Variants in FER observed in about 807,000 individuals in gnomAD.
FER encodes the protein tyrosine-protein kinase Fer.
In FER, 63 loss-of-function variants were observed where a neutral mutation model predicts 111.0. The observed-to-expected ratio is 0.57, with a 90% CI of 0.46 to 0.70. The LOEUF is 0.70. Among genes scored for constraint, FER ranks in the 30% least tolerant of loss-of-function variants. The pLI, the probability that FER is intolerant of heterozygous loss-of-function variation, is 0.00. For synonymous variants in FER, 327 were observed against 313.9 expected, an observed-to-expected ratio of 1.04 and a Z score of -0.44; for missense variants, 914 against 954.0, an observed-to-expected ratio of 0.96 and a Z score of 0.55.
At chr5:108,817,854 C>G (rs919696412) in intron 3 of FER, among the ~76,000 whole-genome samples, 2 of 152,122 alleles carry the variant, frequency 1.3e-5, no homozygotes, top group Non-Finnish European at 2.9e-5. Context: ...AGTTTACTTT[C>G]TTTATATCAT....
chr5:109,047,297 A>G, intron 16 of FER, 99 bp downstream of exon 16: 1 of 671,554 alleles, frequency 1.5e-6, no homozygotes, highest in East Asian at 3.0e-5. Flanking sequence ...TAAAGTCTCC[A>G]AGGATTTTGT....
intron 17 of FER, among the ~76,000 whole-genome samples, chr5:109,160,491 G>A (rs187087898): frequency 6.0e-4 from 91 of 152,218 alleles, no homozygotes; most frequent in Admixed American, 2.3e-3. Context: ...GCATCCAGTC[G>A]TAACTTGCTG....
chr5:108,957,577 A>G (rs376843665), intron 12 of FER, among the ~76,000 whole-genome samples: 1 of 151,782 alleles, frequency 6.6e-6, no homozygotes, highest in East Asian at 1.9e-4. Flanking sequence ...GAACTGCCAT[A>G]TGATCTAGCA....
rs780397314 is a variant in FER at position 109,044,632 on chromosome 5, A to G, written c.1714-48A>G. The G allele has an allele frequency of 9.4e-6, 9 of 958,682 alleles. No individual in the cohort carries two copies. In the African/African-American group the frequency reaches 1.2e-4, roughly 12 times the overall value. 59.4% of individuals were successfully genotyped at this position (958,682 alleles called of 1,614,324 possible). ...ACCTTTCCTTGTATTTGGCAAAGAT[A>G]TACATGCTGTCATTTACCCCAGACA... On this transcript the variant is annotated intron_variant, in intron 14 of 19. Transcript: ENST00000281092.
chr5:108,804,078 A>G (rs936204139), intron 3 of FER, among the ~76,000 whole-genome samples: 1 of 151,680 alleles, frequency 6.6e-6, no homozygotes, highest in African/African-American at 2.4e-5. Context: ...TAGGTGTTTT[A>G]TTTTATTTTT....
At chr5:109,018,826 C>T (rs963807320) in intron 13 of FER, among the ~76,000 whole-genome samples, 4 of 151,558 alleles carry the variant, frequency 2.6e-5, no homozygotes, top group East Asian at 3.9e-4. Flanking sequence ...TCACCCACAT[C>T]GTTTTCTGGA....
At chr5:109,060,010 T>C (rs926559039) in intron 16 of FER, among the ~76,000 whole-genome samples, 14 of 152,138 alleles carry the variant, frequency 9.2e-5, no homozygotes, top group African/African-American at 3.1e-4. Context: ...AAAAATGAGC[T>C]ACTAATATAT....
intron 16 of FER, among the ~76,000 whole-genome samples, chr5:109,074,873 A>G (rs1183253907): frequency 6.6e-6 from 1 of 152,278 alleles, no homozygotes; most frequent in African/African-American, 2.4e-5. Flanking sequence ...AAGTATTCAT[A>G]ATACTAACAT....
intron 17 of FER, among the ~76,000 whole-genome samples, chr5:109,120,339 A>T (rs1027281207): frequency 3.9e-5 from 6 of 152,132 alleles, no homozygotes; most frequent in African/African-American, 1.4e-4. Flanking sequence ...CAGTTTTCTC[A>T]GCACCATTTA....
intron 13 of FER, among the ~76,000 whole-genome samples, chr5:109,000,136 A>G (rs1764533643): frequency 6.6e-6 from 1 of 151,766 alleles, no homozygotes; most frequent in Non-Finnish European, 1.5e-5. Flanking sequence ...TTTTTCATAA[A>G]GATGATATAT....
At position 108,923,649 on chromosome 5, in the gene FER, A is replaced by G. The variant is rs1753335899; in HGVS notation, c.1237-22481A>G. Among the ~76,000 whole-genome samples the G allele has an allele frequency of 2.0e-5, 3 of 152,338 alleles. No individual in the cohort carries two copies. The South Asian group carries it at 6.2e-4, about 32-fold the overall frequency. On this transcript the variant is annotated intron_variant, in intron 10 of 19. Coordinates refer to ENST00000281092, the MANE Select transcript of FER (RefSeq NM_005246.4). ...ACAAATCATTATAGAATAGGTTATCAAAAGTGGAGCCTTACTTTCCGATTA... is the reference window on the plus strand; with the variant it reads ...ACAAATCATTATAGAATAGGTTATCGAAAGTGGAGCCTTACTTTCCGATTA...
intron 13 of FER, among the ~76,000 whole-genome samples, chr5:109,009,044 CTTTTTTTTTT>C (rs1030906789): frequency 1.6e-4 from 19 of 115,996 alleles, no homozygotes; most frequent in South Asian, 6.0e-4. Context: ...CCTCTTCAGT[CTTTTTTTTTT>C]TTTTTTTTTT....
At chr5:109,145,035 G>GT (rs375509776) in intron 17 of FER, among the ~76,000 whole-genome samples, 1,454 of 142,450 alleles carry the variant, frequency 0.01, 13 homozygotes, top group African/African-American at 0.031. Context: ...TTCTTTAGTT[G>GT]TTTTTTTTTT....
chr5:108,811,802 G>A (rs1757788975), intron 3 of FER, among the ~76,000 whole-genome samples: 1 of 152,164 alleles, frequency 6.6e-6, no homozygotes, highest in Non-Finnish European at 1.5e-5. Context: ...CTAGAGTTCT[G>A]ATGCTCGAGG....
intron 18 of FER, among the ~76,000 whole-genome samples, chr5:109,182,347 A>T (rs943663648): frequency 6.6e-6 from 1 of 152,178 alleles, no homozygotes; most frequent in Non-Finnish European, 1.5e-5. Flanking sequence ...TGTCAGCAAG[A>T]GAGGTTCTTT....
At chr5:109,130,913 C>T (rs1249191399) in intron 17 of FER, among the ~76,000 whole-genome samples, 2 of 152,158 alleles carry the variant, frequency 1.3e-5, no homozygotes, top group African/African-American at 4.8e-5. Flanking sequence ...CTTCCCCAAA[C>T]AAGTTTATTT....
intron 5 of FER, 94 bp from the exon 6 acceptor site, chr5:108,867,673 A>T (rs1764203222): frequency 1.6e-6 from 2 of 1,223,266 alleles, no homozygotes; most frequent in South Asian, 2.8e-5. Context: ...GCGTGAAATA[A>T]CATAAAACAG....
intron 4 of FER, 62 bp downstream of exon 4, chr5:108,833,005 T>A: frequency 6.9e-7 from 1 of 1,439,674 alleles, no homozygotes; most frequent in Non-Finnish European, 9.4e-7. Context: ...AGAAATATTT[T>A]ACCTTATTTG....
intron 16 of FER, among the ~76,000 whole-genome samples, chr5:109,069,545 C>A (rs973814175): frequency 6.6e-6 from 1 of 152,000 alleles, no homozygotes; most frequent in African/African-American, 2.4e-5. Flanking sequence ...GTCTCTACCC[C>A]CTGAGTATAT....
Sources: allele counts gnomAD v4.1 joint callset (sites outside exome capture counted in the v4.1 genomes callset), GRCh38; gene constraint gnomAD v4.1.1; transcripts MANE v1.5; gene names NCBI Gene and HGNC (gene_info 2026-07-23, HGNC 2026-07-21).